The following SSH2 variants were observed in gnomAD, a reference collection of about 807,000 sequenced individuals.
SSH2 encodes slingshot protein phosphatase 2.
SSH2 carries 37 observed loss-of-function variants against 135.2 expected under a neutral mutation model. That is an observed-to-expected ratio of 0.27 (90% confidence interval 0.21 to 0.36). The LOEUF (loss-of-function observed/expected upper bound fraction) is 0.36, where lower values mean the gene tolerates loss of function less well. Ranked by LOEUF, SSH2 falls within the 10% of genes least tolerant of loss-of-function variation. The probability of loss-of-function intolerance (pLI) is 1.00; values close to 1 mark genes in which losing one functional copy is unlikely to be tolerated. For synonymous variants in SSH2, 628 were observed against 646.2 expected, an observed-to-expected ratio of 0.97 and a Z score of 0.43; for missense variants, 1,408 against 1,765.3, an observed-to-expected ratio of 0.80 and a Z score of 3.63.
At chr17:29,922,455 T>G (rs907592880) in intron 1 of SSH2, among the ~76,000 whole-genome samples, 1 of 152,184 alleles carries the variant, frequency 6.6e-6, no homozygotes, top group African/African-American at 2.4e-5. Flanking sequence ...GTAAATTAAT[T>G]AAAAATAATT....
chr17:29,670,023 A>G (rs932582297), intron 9 of SSH2, among the ~76,000 whole-genome samples: 2 of 151,762 alleles, frequency 1.3e-5, no homozygotes, highest in Non-Finnish European at 2.9e-5. Context: ...CTGGGATTAC[A>G]GGCGCCTGCC....
At chr17:29,713,773 T>C (rs2039523434) in intron 3 of SSH2, among the ~76,000 whole-genome samples, 1 of 152,200 alleles carries the variant, frequency 6.6e-6, no homozygotes, top group Non-Finnish European at 1.5e-5. Flanking sequence ...ACACCACTGC[T>C]GTCTTCTTGT....
intron 3 of SSH2, among the ~76,000 whole-genome samples, chr17:29,725,305 C>T (rs540955212): frequency 6.2e-5 from 8 of 128,404 alleles, no homozygotes; most frequent in African/African-American, 2.4e-4. Context: ...CAAGATTGCA[C>T]CACTGCACTC....
intron 8 of SSH2, among the ~76,000 whole-genome samples, chr17:29,674,798 A>T (rs935209248): frequency 4.6e-5 from 7 of 152,208 alleles, no homozygotes; most frequent in African/African-American, 1.7e-4. Context: ...ATGCAAAAAA[A>T]TCTCATCATA....
At chr17:29,716,480 T>C (rs2039627348) in intron 3 of SSH2, 2 of 698,978 alleles carry the variant, frequency 2.9e-6, no homozygotes, top group Non-Finnish European at 5.3e-6. Context: ...GCCAGCAGCA[T>C]GCTGGTTAAC....
intron 3 of SSH2, among the ~76,000 whole-genome samples, chr17:29,744,469 G>GT (rs1398349678): frequency 6.6e-6 from 1 of 152,166 alleles, no homozygotes; most frequent in Non-Finnish European, 1.5e-5. Flanking sequence ...TGGGCTTAAT[G>GT]TAACATGGCA....
At chr17:29,658,835 C>T (rs2036898661) in intron 11 of SSH2, among the ~76,000 whole-genome samples, 1 of 144,248 alleles carries the variant, frequency 6.9e-6, no homozygotes, top group South Asian at 2.2e-4. Flanking sequence ...CCATTGCACT[C>T]CAGCCTGGGC....
chr17:29,846,285 C>G (rs1302137326), intron 2 of SSH2, among the ~76,000 whole-genome samples: 1 of 152,082 alleles, frequency 6.6e-6, no homozygotes, highest in African/African-American at 2.4e-5. Flanking sequence ...CTGCACACCT[C>G]AGCCTCCCAA....
At chr17:29,813,005 C>T (rs1261239450) in intron 2 of SSH2, among the ~76,000 whole-genome samples, 3 of 152,078 alleles carry the variant, frequency 2.0e-5, no homozygotes, top group Non-Finnish European at 2.9e-5. Context: ...TAAAGTCCAA[C>T]GAAAAGATTT....
chr17:29,736,667 G>C (rs1157532088), intron 3 of SSH2, among the ~76,000 whole-genome samples: 1 of 150,730 alleles, frequency 6.6e-6, no homozygotes, highest in Non-Finnish European at 1.5e-5. Flanking sequence ...CGTGCCTACA[G>C]TCCCAGCTAC....
At chr17:29,849,061 G>A (rs549599658) in intron 1 of SSH2, 132 bp from the exon 2 acceptor site, 4 of 561,400 alleles carry the variant, frequency 7.1e-6, no homozygotes, top group African/African-American at 5.6e-5. Flanking sequence ...GATTAGTGAT[G>A]GCTATTTTGA....
chr17:29,696,082 TATTA>T (rs1375361043), intron 4 of SSH2, among the ~76,000 whole-genome samples: 1 of 151,688 alleles, frequency 6.6e-6, no homozygotes, highest in Non-Finnish European at 1.5e-5. Context: ...CTGATATTAT[TATTA>T]TTTATTTTAA....
chr17:29,852,675 C>T (rs2065584926), intron 1 of SSH2, among the ~76,000 whole-genome samples: 2 of 151,742 alleles, frequency 1.3e-5, no homozygotes, highest in African/African-American at 2.4e-5. Flanking sequence ...CCTCAGCCTC[C>T]CGAGTAGCTG....
chr17:29,674,459 C>T (rs187538641), intron 8 of SSH2, among the ~76,000 whole-genome samples: 14 of 152,224 alleles, frequency 9.2e-5, no homozygotes, highest in South Asian at 4.1e-4. Flanking sequence ...TCTGGTGCAA[C>T]GGTCCTAAAA....
chr17:29,775,455 A>G (rs1187654101), intron 3 of SSH2, among the ~76,000 whole-genome samples: 1 of 152,150 alleles, frequency 6.6e-6, no homozygotes, highest in Non-Finnish European at 1.5e-5. Flanking sequence ...CACCAAATTA[A>G]TATACAACAG....
intron 3 of SSH2, among the ~76,000 whole-genome samples, chr17:29,727,879 T>A (rs1041983003): frequency 1.3e-5 from 2 of 152,064 alleles, no homozygotes; most frequent in African/African-American, 2.4e-5. Context: ...AAGGAAGAAG[T>A]CAAATTATCC....
chr17:29,645,561 C>T (rs143913337), intron 14 of SSH2: 218 of 152,192 alleles, frequency 1.4e-3, no homozygotes, highest in African/African-American at 4.9e-3. Flanking sequence ...TGGCAGGACA[C>T]GTAGTATCCT....
intron 2 of SSH2, among the ~76,000 whole-genome samples, chr17:29,796,193 C>T (rs2042152696): frequency 6.6e-6 from 1 of 152,182 alleles, no homozygotes; most frequent in Non-Finnish European, 1.5e-5. Flanking sequence ...CCTCTTATTT[C>T]CCATTCCTCT....
At chr17:29,926,526 C>A (rs960954859) in intron 1 of SSH2, among the ~76,000 whole-genome samples, 1 of 151,410 alleles carries the variant, frequency 6.6e-6, no homozygotes, top group Non-Finnish European at 1.5e-5. Flanking sequence ...TGCACTCCAG[C>A]CTGAATGGCT....
Sources: allele counts gnomAD v4.1 joint callset (sites outside exome capture counted in the v4.1 genomes callset), GRCh38; gene constraint gnomAD v4.1.1; transcripts MANE v1.5; gene names NCBI Gene and HGNC (gene_info 2026-07-23, HGNC 2026-07-21).